Variants in FRMPD4 observed in about 807,000 individuals in gnomAD.
FRMPD4 encodes FERM and PDZ domain containing 4.
A neutral mutation model predicts 94.1 loss-of-function variants in FRMPD4; 22 were observed. The observed-to-expected ratio is 0.23, with a 90% CI of 0.17 to 0.33. The LOEUF is 0.33. Among genes scored for constraint, FRMPD4 ranks in the 10% least tolerant of loss-of-function variants. The pLI is 1.00. For synonymous variants in FRMPD4, 631 were observed against 548.6 expected, an observed-to-expected ratio of 1.15 and a Z score of -2.10; for missense variants, 1,111 against 1,339.9, an observed-to-expected ratio of 0.83 and a Z score of 2.67.
chrX:12,177,983 T>C (rs1358548124), intron 1 of FRMPD4, among the ~76,000 whole-genome samples: 1 of 112,052 alleles, frequency 8.9e-6, no homozygotes, highest in Non-Finnish European at 1.9e-5. Context: ...ACTGCTGTGT[T>C]CTCAGTGTGT....
intron 4 of FRMPD4, among the ~76,000 whole-genome samples, chrX:12,615,676 T>C (rs1432309274): frequency 9.0e-6 from 1 of 111,496 alleles, no homozygotes; most frequent in Non-Finnish European, 1.9e-5. Context: ...ACTCATATTT[T>C]CAACCAAGAT....
At chrX:12,703,418 A>C (rs868305562) in intron 10 of FRMPD4, among the ~76,000 whole-genome samples, 1 of 112,483 alleles carries the variant, frequency 8.9e-6, no homozygotes, top group African/African-American at 3.2e-5. Flanking sequence ...CATAATGATC[A>C]TGAAATATAC....
chrX:12,251,744 C>T (rs1265148091), intron 1 of FRMPD4, among the ~76,000 whole-genome samples: 2 of 111,739 alleles, frequency 1.8e-5, no homozygotes, highest in African/African-American at 3.3e-5. Flanking sequence ...ATATTTAGGC[C>T]AGGCAGGGGC....
intron 1 of FRMPD4, among the ~76,000 whole-genome samples, chrX:12,292,429 A>T (rs1264707031): frequency 9.0e-6 from 1 of 111,465 alleles, no homozygotes; most frequent in Non-Finnish European, 1.9e-5. Flanking sequence ...TAAAGTATCA[A>T]CAATGAATTC....
intron 1 of FRMPD4, among the ~76,000 whole-genome samples, chrX:12,155,629 C>T (rs1195177633): frequency 4.3e-5 from 4 of 92,413 alleles, no homozygotes; most frequent in Non-Finnish European, 8.4e-5. Context: ...GGTAAGGAGA[C>T]GAAAGCAAGG....
intron 1 of FRMPD4, among the ~76,000 whole-genome samples, chrX:12,272,597 C>T (rs2054371000): frequency 8.9e-6 from 1 of 111,946 alleles, no homozygotes; most frequent in Non-Finnish European, 1.9e-5. Context: ...CTTTTCTTTA[C>T]TTATAAAGTG....
chrX:12,322,174 T>C (rs1183461309), intron 1 of FRMPD4, among the ~76,000 whole-genome samples: 2 of 111,768 alleles, frequency 1.8e-5, no homozygotes, highest in African/African-American at 6.5e-5. Flanking sequence ...GGGAGGAATC[T>C]CTGCCTTCTC....
At chrX:12,217,413 G>A (rs1467309607) in intron 1 of FRMPD4, among the ~76,000 whole-genome samples, 1 of 111,790 alleles carries the variant, frequency 8.9e-6, no homozygotes, top group Non-Finnish European at 1.9e-5. Flanking sequence ...GCATTCAGAG[G>A]CTCTCTTAGT....
chrX:12,341,099 C>A (rs777249876), intron 1 of FRMPD4, among the ~76,000 whole-genome samples: 38 of 112,007 alleles, frequency 3.4e-4, no homozygotes, highest in African/African-American at 1.2e-3. Context: ...GTTTTCAAGT[C>A]AGTTTTTAAA....
At chrX:12,376,127 A>G (rs1358463247) in intron 1 of FRMPD4, among the ~76,000 whole-genome samples, 1 of 112,275 alleles carries the variant, frequency 8.9e-6, no homozygotes, top group African/African-American at 3.2e-5. Flanking sequence ...ACTGGAATAA[A>G]TGAATGGATA....
At chrX:11,918,545 A>C (rs1029785478) in intron 3 of FRMPD4, among the ~76,000 whole-genome samples, 8 of 112,756 alleles carry the variant, frequency 7.1e-5, no homozygotes, top group African/African-American at 2.6e-4. Flanking sequence ...CAGAGGTTGC[A>C]GTGAGCCAAG....
intron 3 of FRMPD4, among the ~76,000 whole-genome samples, chrX:11,917,344 G>A (rs2054030088): frequency 8.9e-6 from 1 of 111,990 alleles, no homozygotes; most frequent in Non-Finnish European, 1.9e-5. Flanking sequence ...ATTTATCAGA[G>A]AACTAAAAAT....
At chrX:12,599,956 A>G (rs1470993989) in intron 2 of FRMPD4, among the ~76,000 whole-genome samples, 3 of 111,712 alleles carry the variant, frequency 2.7e-5, no homozygotes, top group Admixed American at 9.6e-5. Context: ...TATACATTTT[A>G]ATCACTCAAA....
intron 1 of FRMPD4, among the ~76,000 whole-genome samples, chrX:12,252,434 G>A (rs1046505517): frequency 1.8e-5 from 2 of 112,155 alleles, no homozygotes. Context: ...AGAACACAGA[G>A]TATGTCCTCA....
chrX:12,435,397 T>C (rs1310794765), intron 1 of FRMPD4, among the ~76,000 whole-genome samples: 1 of 112,019 alleles, frequency 8.9e-6, no homozygotes, highest in African/African-American at 3.2e-5. Flanking sequence ...ATGCTGTATA[T>C]ACAGTATATT....
chrX:12,096,162 C>T (rs770176345), intron 3 of FRMPD4, among the ~76,000 whole-genome samples: 13 of 112,327 alleles, frequency 1.2e-4, no homozygotes, highest in South Asian at 1.1e-3. Flanking sequence ...AACATTATAT[C>T]GGAAACAGGT....
intron 3 of FRMPD4, among the ~76,000 whole-genome samples, chrX:11,933,237 C>T (rs1401244053): frequency 8.9e-6 from 1 of 112,142 alleles, no homozygotes; most frequent in Admixed American, 9.4e-5. Context: ...ATTCATGGAT[C>T]GTAAATAAAC....
intron 2 of FRMPD4, among the ~76,000 whole-genome samples, chrX:12,529,534 T>C (rs188101817): frequency 8.9e-6 from 1 of 112,387 alleles, no homozygotes; most frequent in East Asian, 2.8e-4. Context: ...TGCATAATTA[T>C]TTTGTTCAAC....
intron 1 of FRMPD4, among the ~76,000 whole-genome samples, chrX:12,389,269 C>G (rs1464669628): frequency 9.1e-6 from 1 of 109,614 alleles, no homozygotes; most frequent in Non-Finnish European, 1.9e-5. Context: ...AGGTCAGGAG[C>G]TTGAGACCAG....
Sources: gnomAD v4.1 joint callset for allele counts (sites outside exome capture counted in the v4.1 genomes callset) on GRCh38, gnomAD v4.1.1 for gene constraint, MANE v1.5 for transcripts, NCBI Gene and HGNC (gene_info 2026-07-23, HGNC 2026-07-21) for gene names.